The following EPB41L5 variants were observed in gnomAD, a reference collection of about 807,000 sequenced individuals.
EPB41L5 encodes the protein erythrocyte membrane protein band 4.1 like 5.
In EPB41L5, 55 loss-of-function variants were observed where a neutral mutation model predicts 106.6. The ratio of observed to expected loss-of-function variants is 0.52; its 90% CI spans 0.42 to 0.65. The LOEUF is 0.65. Among genes scored for constraint, EPB41L5 ranks in the 30% least tolerant of loss-of-function variants. The probability of loss-of-function intolerance (pLI) is 0.00; values close to 1 mark genes in which losing one functional copy is unlikely to be tolerated. For synonymous variants in EPB41L5, 297 were observed against 306.7 expected, an observed-to-expected ratio of 0.97 and a Z score of 0.33; for missense variants, 871 against 882.1, an observed-to-expected ratio of 0.99 and a Z score of 0.16.
rs1403708368 is a variant in EPB41L5, at chr2:120,176,101, AAAAT to A, written c.*1198_*1201del. 6.5e-6 allele frequency: 1 copy of A among 152,682 alleles called. No individual in the cohort carries two copies. Among genetic ancestry groups the A allele is most frequent in the East Asian group, 1.9e-4 (1 of 5,204 alleles). 9.5% of individuals were successfully genotyped at this position (152,682 alleles called of 1,614,324 possible). A position where few individuals can be genotyped will look rare whatever the true frequency, so the allele number is the denominator to read the frequency against. Reference sequence around the variant, plus strand: ...TAAAATAATATATACTCATCACAGAAAAATAAAGTATAGCAATGTCCATCTGTAA... The same window carrying A: ...TAAAATAATATATACTCATCACAGAAAAAGTATAGCAATGTCCATCTGTAA... On this transcript the variant is annotated 3_prime_UTR_variant, in exon 25 of 25. Transcript: ENST00000263713.
At chr2:120,045,143 A>G (rs931253835) in intron 3 of EPB41L5, among the ~76,000 whole-genome samples, 1 of 152,198 alleles carries the variant, frequency 6.6e-6, no homozygotes, top group Non-Finnish European at 1.5e-5. Context: ...TGTAAGGTTA[A>G]TGTGCCACAT....
chr2:120,101,104 G>A (rs1171724113), intron 16 of EPB41L5, among the ~76,000 whole-genome samples: 1 of 152,198 alleles, frequency 6.6e-6, no homozygotes, highest in Admixed American at 6.5e-5. Flanking sequence ...TTAGCTTGAT[G>A]TGGTAGTGGT....
chr2:120,123,823 A>G (rs924607107), intron 16 of EPB41L5, among the ~76,000 whole-genome samples: 2 of 151,202 alleles, frequency 1.3e-5, no homozygotes, highest in East Asian at 1.9e-4. Context: ...ATGCCCCGCT[A>G]ATTTTTTTGT....
intron 20 of EPB41L5, among the ~76,000 whole-genome samples, chr2:120,154,819 G>A (rs1227930140): frequency 1.3e-5 from 2 of 151,958 alleles, no homozygotes; most frequent in Non-Finnish European, 2.9e-5. Context: ...CCAGCTACTC[G>A]GGAGGCTGAG....
At chr2:120,049,129 G>A (rs1185406181) in intron 3 of EPB41L5, among the ~76,000 whole-genome samples, 1 of 152,186 alleles carries the variant, frequency 6.6e-6, no homozygotes, top group African/African-American at 2.4e-5. Context: ...TGAGAAGAAT[G>A]TATATTCTGC....
intron 18 of EPB41L5, among the ~76,000 whole-genome samples, chr2:120,136,928 C>T (rs1191527164): frequency 2.0e-5 from 3 of 151,992 alleles, no homozygotes; most frequent in Non-Finnish European, 2.9e-5. Context: ...AACATACATT[C>T]TTGTCCTCAG....
intron 18 of EPB41L5, among the ~76,000 whole-genome samples, chr2:120,142,576 G>A (rs887919943): frequency 6.6e-6 from 1 of 152,146 alleles, no homozygotes; most frequent in Non-Finnish European, 1.5e-5. Flanking sequence ...GAGGTTGGCA[G>A]ATTATTTTAG....
At chr2:120,090,555 T>C (rs1322263954) in intron 12 of EPB41L5, 39 bp downstream of exon 12, 3 of 1,564,100 alleles carry the variant, frequency 1.9e-6, no homozygotes, top group Admixed American at 3.8e-5. Context: ...TTTCATTGCA[T>C]ACAGGCCAAA....
intron 16 of EPB41L5, among the ~76,000 whole-genome samples, chr2:120,117,394 A>G (rs1346440118): frequency 6.6e-6 from 1 of 152,160 alleles, no homozygotes; most frequent in Non-Finnish European, 1.5e-5. Context: ...GAAGTATTGC[A>G]CTTCAAATTT....
intron 3 of EPB41L5, among the ~76,000 whole-genome samples, chr2:120,058,499 A>G (rs1224692978): frequency 6.6e-6 from 1 of 152,242 alleles, no homozygotes; most frequent in Non-Finnish European, 1.5e-5. Context: ...TGATAGGGAT[A>G]GAGACAGAGA....
chr2:120,161,440 C>G (rs1356996979), intron 21 of EPB41L5, among the ~76,000 whole-genome samples: 1 of 151,580 alleles, frequency 6.6e-6, no homozygotes, highest in Admixed American at 6.6e-5. Context: ...ATCCTGTTGC[C>G]ACACTACTCA....
intron 14 of EPB41L5, among the ~76,000 whole-genome samples, chr2:120,095,455 T>C (rs1683685514): frequency 1.3e-5 from 2 of 152,038 alleles, no homozygotes; most frequent in Non-Finnish European, 2.9e-5. Flanking sequence ...TTGTTACACT[T>C]GATGGTGTCC....
chr2:120,164,207 G>A (rs1048301157), intron 21 of EPB41L5, among the ~76,000 whole-genome samples: 3 of 151,614 alleles, frequency 2.0e-5, no homozygotes, highest in Admixed American at 2.0e-4. Context: ...GTGCCCGGCT[G>A]TATTTACTTT....
At position 120,078,510 on chromosome 2, in the gene EPB41L5, C is replaced by G; in HGVS notation, c.732C>G (p.Asp244Glu). The G allele has an allele frequency of 6.2e-7, 1 of 1,607,500 alleles. No homozygotes were observed. Among genetic ancestry groups the G allele is most frequent in the East Asian group, 2.2e-5 (1 of 44,486 alleles). The stretch of plus-strand genomic sequence containing the variant: ...TAAATTAGGCTAGAGATGGGAATGA[C>G]TATAGTTTGGGACTAACACCAACAG... ...MHVVKARDGN[D>E]YSLGLTPTGV... Residue 244 changes from aspartate to glutamate, a missense_variant, in exon 10 of 25, where the codon GAC becomes GAG. Coordinates refer to ENST00000263713, the MANE Select transcript of EPB41L5 (RefSeq NM_020909.4).
chr2:120,160,693 A>T, intron 20 of EPB41L5, 188 bp from the exon 21 acceptor site: 1 of 553,154 alleles, frequency 1.8e-6, no homozygotes, highest in East Asian at 3.0e-5. Context: ...TTAAAAAACC[A>T]TTTTAACTGG....
At chr2:120,147,222 C>T (rs760343278) in intron 20 of EPB41L5, among the ~76,000 whole-genome samples, 1 of 152,124 alleles carries the variant, frequency 6.6e-6, no homozygotes, top group East Asian at 1.9e-4. Flanking sequence ...TGGTGATCCA[C>T]GCTGTAGGCC....
rs931689716 is a variant in EPB41L5, at chr2:120,014,746, C to G, written c.-9+1536C>G. On this transcript the variant is annotated intron_variant, in intron 1 of 24. Transcript: ENST00000263713. Reference sequence around the variant, plus strand: ...TCCAGAATTAAAAAGACTCTCCGGCCGAGCAGCAAGAGTACAAGAGCAGAG... The same window carrying G: ...TCCAGAATTAAAAAGACTCTCCGGCGGAGCAGCAAGAGTACAAGAGCAGAG... 1.4e-4 allele frequency among the ~76,000 whole-genome samples: 22 copies of G among 152,046 alleles called. 1 individual carries two copies. The highest frequency in any genetic ancestry group is 1.1e-3 in the Admixed American group (17 of 15,266).
intron 11 of EPB41L5, 116 bp downstream of exon 11, chr2:120,087,356 A>G (rs1349339984): frequency 3.3e-6 from 2 of 598,740 alleles, no homozygotes; most frequent in East Asian, 2.9e-5. Context: ...GAATGCAAAC[A>G]GTATAATTAA....
intron 2 of EPB41L5, among the ~76,000 whole-genome samples, chr2:120,039,439 A>G (rs1320127212): frequency 6.6e-6 from 1 of 152,136 alleles, no homozygotes; most frequent in Non-Finnish European, 1.5e-5. Flanking sequence ...AAATTGTGTT[A>G]TACTTTAAAA....
Sources: gnomAD v4.1 joint callset for allele counts (sites outside exome capture counted in the v4.1 genomes callset) on GRCh38, gnomAD v4.1.1 for gene constraint, MANE v1.5 for transcripts, NCBI Gene and HGNC (gene_info 2026-07-23, HGNC 2026-07-21) for gene names.